The following JAG2 variants were observed in gnomAD, a reference collection of about 807,000 sequenced individuals.
The protein encoded by JAG2 is protein jagged-2.
In JAG2, 46 loss-of-function variants were observed where a neutral mutation model predicts 141.7. The observed-to-expected ratio is 0.32, with a 90% confidence interval of 0.26 to 0.42. The LOEUF is 0.42. Ranked by LOEUF, JAG2 falls within the 10% of genes least tolerant of loss-of-function variation. The probability of loss-of-function intolerance (pLI) is 1.00; values close to 1 mark genes in which losing one functional copy is unlikely to be tolerated. For missense variants in JAG2, 1,500 were observed against 1,817.5 expected (o/e 0.83, Z 3.18); for synonymous variants, 862 against 763.5 (o/e 1.13, Z -2.13).
At chr14:105,146,852 G>GC in intron 20 of JAG2, 128 bp from the exon 21 acceptor site, 3 of 787,194 alleles carry the variant, frequency 3.8e-6, no homozygotes, top group African/African-American at 3.4e-5. Context: ...AGCAGCCCCT[G>GC]CCCCCGAGCC....
At chr14:105,163,141 G>A (rs992040444) in intron 2 of JAG2, among the ~76,000 whole-genome samples, 36 of 152,168 alleles carry the variant, frequency 2.4e-4, no homozygotes, top group South Asian at 2.1e-4. Flanking sequence ...CGCCCCCTAC[G>A]GAGCACAGCG....
Position 105,168,385 on chromosome 14 carries a change from C to A in JAG2, c.36G>T (p.Arg12=). The A allele has an allele frequency of 9.7e-7, 1 of 1,034,078 alleles. No individual in the cohort carries two copies. The highest frequency in any genetic ancestry group is 4.5e-4 in the Middle Eastern group (1 of 2,204). The allele number at this position is 1,034,078 out of a possible 1,614,324, so 64.1% of individuals were successfully genotyped here. Residue 12 remains arginine, a synonymous_variant, in exon 1 of 26, where the codon CGG becomes CGT. Transcript: ENST00000331782. ...CCCAGAGCGCCAGCAGCAGCAGCAG[C>A]CGCCGGGGAAGGCGCCCCCGGCCCT... ...RAQGRGRLPR[R]LLLLLALWVQ...
chr14:105,146,254 TG>T (rs1888219656), intron 22 of JAG2, 130 bp downstream of exon 22: 2 of 871,292 alleles, frequency 2.3e-6, no homozygotes, highest in African/African-American at 1.6e-5. Flanking sequence ...CTCGCCTCCC[TG>T]GGTGTCCCTG....
rs587708042 is a variant in JAG2, at chr14:105,145,138, G to A, written c.2953-77C>T. ...CTACATCCCTGGACTGGCGCTGTGG[G>A]TACACGTGGGACACACCCTACAGCC... is the stretch of plus-strand genomic sequence containing the variant. On this transcript the variant is annotated intron_variant, in intron 23 of 25. Coordinates refer to ENST00000331782, the MANE Select transcript of JAG2 (RefSeq NM_002226.5). 363 of 1,577,566 alleles carry A rather than the reference G, an allele frequency of 2.3e-4. 1 individual carries two copies. The African/African-American group carries it at 4.6e-3, about 20-fold the overall frequency.
At position 105,167,765 on chromosome 14, in the gene JAG2, C is replaced by A. The variant is rs1251260759; in HGVS notation, c.409G>T (p.Ala137Ser). The A allele has an allele frequency of 4.1e-6, 6 of 1,459,036 alleles. No individual in the cohort carries two copies. In the Admixed American group the frequency reaches 1.2e-4, roughly 30 times the overall value. 90.4% of individuals were successfully genotyped at this position (1,459,036 alleles called of 1,614,324 possible). A position where few individuals can be genotyped will look rare whatever the true frequency, so the allele number is the denominator to read the frequency against. ...PGLVVIPFQF[A>S]WPRSFTLIVE... ...GGATGGAGCGCACGTACCGGCCAGG[C>A]GAACTGGAAGGGGATGACGACGAGG... Residue 137 changes from alanine to serine, a missense_variant, in exon 2 of 26, where the codon GCC (alanine) becomes TCC (serine). Physicochemically the swap from Ala to Ser is moderately conservative, Grantham distance 99 (BLOSUM62 1). Transcript: ENST00000331782. This position sits in a 1 kb window ranked among gnomAD's most constrained non-coding sequence, Gnocchi z 4.8.
At chr14:105,146,077 G>A (rs1888214291) in intron 22 of JAG2, 104 bp from the exon 23 acceptor site, 4 of 1,513,628 alleles carry the variant, frequency 2.6e-6, no homozygotes, top group Middle Eastern at 2.2e-4. Context: ...ATGCCAAGGA[G>A]GGACACCGCC....
chr14:105,161,510 G>A (rs1203766458), intron 2 of JAG2, among the ~76,000 whole-genome samples: 2 of 152,156 alleles, frequency 1.3e-5, no homozygotes, highest in African/African-American at 4.8e-5. Flanking sequence ...CCTGAGCCCA[G>A]GGCTCCGGTT....
rs1166072925 is a variant in JAG2, at chr14:105,154,919, T to A, written c.788+643A>T. Among the ~76,000 whole-genome samples, 1 of 151,514 alleles carries A rather than the reference T, an allele frequency of 6.6e-6. No individual in the cohort carries two copies. ...TTGATCAAATCCATCCACAAACCCC[T>A]GGGCTCCACCCCAGGATGTCTGCAG... On this transcript the variant is annotated intron_variant, in intron 5 of 25. Transcript: ENST00000331782. The surrounding 1 kb of genome is among the most constrained non-coding windows in gnomAD (Gnocchi z 4.4).
At chr14:105,166,162 C>T (rs1004751639) in intron 2 of JAG2, among the ~76,000 whole-genome samples, 11 of 152,382 alleles carry the variant, frequency 7.2e-5, no homozygotes, top group African/African-American at 2.4e-4. Context: ...AACCCAGTGC[C>T]CGGACTCCAA....
intron 20 of JAG2, chr14:105,147,027 G>C (rs1888246164): frequency 3.3e-6 from 2 of 603,942 alleles, no homozygotes; most frequent in Non-Finnish European, 5.9e-6. Context: ...CCAACACCCA[G>C]GGACAACAGC....
At chr14:105,165,519 C>T (rs964068874) in intron 2 of JAG2, among the ~76,000 whole-genome samples, 3 of 152,196 alleles carry the variant, frequency 2.0e-5, no homozygotes, top group Non-Finnish European at 2.9e-5. Context: ...ACATTCAAGA[C>T]CCTGGGCCCA....
In JAG2 at chr14:105,149,095, G is replaced by C. The variant is rs754944749; in HGVS notation, c.1754-6C>G. On this transcript the variant is annotated splice_region_variant and splice_polypyrimidine_tract_variant and intron_variant, in intron 13 of 25. Coordinates refer to ENST00000331782, the MANE Select transcript of JAG2 (RefSeq NM_002226.5). ...TGACCCGCAGCCATCGATCACTATGGCAGGCAGTACAGTCAGGAGTCAGGC... is the reference window on the plus strand; with the variant it reads ...TGACCCGCAGCCATCGATCACTATGCCAGGCAGTACAGTCAGGAGTCAGGC... The C allele has an allele frequency of 6.2e-7, 1 of 1,607,406 alleles. No homozygotes were observed. Among genetic ancestry groups the C allele is most frequent in the South Asian group, 1.1e-5 (1 of 90,500 alleles).
Position 105,141,691 on chromosome 14 carries a change from ACT to A in JAG2, c.*1002_*1003del, listed in dbSNP as rs1477185655. On this transcript the variant is annotated 3_prime_UTR_variant, in exon 26 of 26. Transcript: ENST00000331782. ...GCCGGCGTGGCTCTCCCCCAACCTC[ACT>A]CTCAATACAAAAGGGACAGCACCGA... is the stretch of plus-strand genomic sequence containing the variant. The A allele has an allele frequency of 6.6e-6, 1 of 151,986 alleles. No homozygotes were observed. Among genetic ancestry groups the A allele is most frequent in the Non-Finnish European group, 1.5e-5 (1 of 68,020 alleles). 9.4% of individuals were successfully genotyped at this position (151,986 alleles called of 1,614,324 possible). A position where few individuals can be genotyped will look rare whatever the true frequency, so the allele number is the denominator to read the frequency against.
chr14:105,143,636 G>A lies in JAG2; in HGVS notation c.3087C>T (p.Ser1029=), dbSNP rs1444893677. 6.2e-7 allele frequency: 1 copy of A among 1,607,114 alleles called. No homozygotes were observed. The highest frequency in any genetic ancestry group is 1.7e-5 in the Admixed American group (1 of 59,946). ...CAGGCAGGTCCCTGGCAGGGCTGAAGGACTGCGGCAAAGAACGGCATTGTG... is the reference window on the plus strand; with the variant it reads ...CAGGCAGGTCCCTGGCAGGGCTGAAAGACTGCGGCAAAGAACGGCATTGTG... ...SGASAVEVAV[S]FSPARDLPDS... The change falls in exon 25 of 26, where the codon TCC becomes TCT. Residue 1029 remains serine (S), a splice_region_variant and synonymous_variant. Coordinates refer to ENST00000331782, the MANE Select transcript of JAG2 (RefSeq NM_002226.5).
intron 5 of JAG2, 130 bp from the exon 6 acceptor site, chr14:105,152,421 G>T: frequency 9.4e-7 from 1 of 1,066,272 alleles, no homozygotes; most frequent in Non-Finnish European, 1.4e-6. Flanking sequence ...AACTGGAGCA[G>T]CCCCAGCCAG....
intron 12 of JAG2, among the ~76,000 whole-genome samples, chr14:105,150,118 A>AG (rs1273940483): frequency 9.8e-5 from 3 of 30,746 alleles, no homozygotes; most frequent in Non-Finnish European, 1.8e-4. Context: ...CTTTGGAGGC[A>AG]GGGGGGAAGG....
At chr14:105,148,303 G>A (rs777026839) in intron 16 of JAG2, 23 bp downstream of exon 16, 35 of 1,599,728 alleles carry the variant, frequency 2.2e-5, no homozygotes, top group Non-Finnish European at 2.6e-5. Context: ...AGCCCCAGGC[G>A]GCCAGGGCCT....
Position 105,168,338 on chromosome 14 carries a change from C to G in JAG2, c.66+17G>C. 1 of 878,984 alleles carries G rather than the reference C, an allele frequency of 1.1e-6. No homozygotes were observed. The highest frequency in any genetic ancestry group is 1.4e-6 in the Non-Finnish European group (1 of 715,586). The allele number at this position is 878,984 out of a possible 1,614,324, so 54.4% of individuals were successfully genotyped here. A position where few individuals can be genotyped will look rare whatever the true frequency, so the allele number is the denominator to read the frequency against. On this transcript the variant is annotated intron_variant, in intron 1 of 25. Transcript: ENST00000331782. ...TGCCCCGTCCGCGACCCCCGCCGCC[C>G]CCGCCGCCCCGCTCACCTGCACCCA...
Position 105,142,699 on chromosome 14 carries a change from T to C in JAG2, c.3713A>G (p.Glu1238Gly). 6.3e-7 allele frequency: 1 copy of C among 1,596,214 alleles called. No homozygotes were observed. The highest frequency in any genetic ancestry group is 8.5e-7 in the Non-Finnish European group (1 of 1,172,034). ...CGGCCCAGCTGGCAGCCGCCCCTAC[T>C]CCTTGCCGGCGTAGCGGGCCTCATT... ...SINEARYAGK[E>G] The change falls in exon 26 of 26, where the codon GAG becomes GGG. Residue 1238 changes from glutamate (E) to glycine (G), a missense_variant. This residue lies in a region of JAG2 where 425 missense variants were observed against 441.0 expected (regional missense o/e 0.96). Coordinates refer to ENST00000331782, the MANE Select transcript of JAG2 (RefSeq NM_002226.5).
Sources: gnomAD v4.1 joint callset for allele counts (sites outside exome capture counted in the v4.1 genomes callset) on GRCh38, gnomAD v4.1.1 for gene constraint, gnomAD v4.1.1 regional missense constraint, Gnocchi (gnomAD v3.1) non-coding constraint, MANE v1.5 for transcripts, NCBI Gene and HGNC (gene_info 2026-07-23, HGNC 2026-07-21) for gene names.